The following DPYD variants were observed in gnomAD, a reference collection of about 807,000 sequenced individuals.
DPYD encodes dihydropyrimidine dehydrogenase [NADP(+)].
A neutral mutation model predicts 116.2 loss-of-function variants in DPYD; 109 were observed. The ratio of observed to expected loss-of-function variants is 0.94; its 90% CI spans 0.80 to 1.10. DPYD has a LOEUF of 1.10. Ranked by LOEUF, DPYD falls within the 50% of genes least tolerant of loss-of-function variation. The pLI is 0.00. For missense variants in DPYD, 1,302 were observed against 1,254.5 expected (o/e 1.04, Z -0.57); for synonymous variants, 440 against 432.0 (o/e 1.02, Z -0.23).
intron 3 of DPYD, among the ~76,000 whole-genome samples, chr1:97,771,730 T>C (rs1187738054): frequency 6.6e-6 from 1 of 152,174 alleles, no homozygotes; most frequent in Non-Finnish European, 1.5e-5. Context: ...GTCAATATGA[T>C]AGACAGTACG....
chr1:97,315,584 G>T (rs747835177), intron 16 of DPYD, among the ~76,000 whole-genome samples: 10 of 151,934 alleles, frequency 6.6e-5, no homozygotes, highest in Non-Finnish European at 1.3e-4. Flanking sequence ...CTTGTATGAA[G>T]AATTCTCCCT....
chr1:97,176,868 A>ATGTGTGTGTGTGTGTG (rs10677535), intron 20 of DPYD, among the ~76,000 whole-genome samples: 4,136 of 146,594 alleles, frequency 0.028, 105 homozygotes, highest in African/African-American at 0.056. Flanking sequence ...GGACAAAAAA[A>ATGTGTGTGTGTGTGTG]TGTGTGTGTG....
At chr1:97,725,196 T>C (rs532605730) in intron 4 of DPYD, among the ~76,000 whole-genome samples, 1 of 151,678 alleles carries the variant, frequency 6.6e-6, no homozygotes, top group African/African-American at 2.4e-5. Context: ...GTAATTCCAT[T>C]TACAACAGCA....
intron 4 of DPYD, among the ~76,000 whole-genome samples, chr1:97,723,730 T>C (rs1403430056): frequency 6.6e-6 from 1 of 151,552 alleles, no homozygotes; most frequent in African/African-American, 2.4e-5. Context: ...AAGAGGTTAA[T>C]AATAAATCAT....
intron 1 of DPYD, among the ~76,000 whole-genome samples, chr1:97,889,452 T>A (rs72979797): frequency 6.6e-6 from 1 of 152,024 alleles, no homozygotes; most frequent in East Asian, 1.9e-4. Flanking sequence ...AGCAGCAGCA[T>A]GAAAGCTGCA....
intron 12 of DPYD, among the ~76,000 whole-genome samples, chr1:97,533,413 T>C (rs1336500674): frequency 1.3e-5 from 2 of 152,000 alleles, no homozygotes; most frequent in Non-Finnish European, 2.9e-5. Flanking sequence ...AAATAATAAA[T>C]AACATGTTGA....
intron 8 of DPYD, among the ~76,000 whole-genome samples, chr1:97,655,810 T>A (rs1658870409): frequency 6.6e-6 from 1 of 152,208 alleles, no homozygotes; most frequent in South Asian, 2.1e-4. Context: ...TTAGCTTGTG[T>A]TGTGAGCCAG....
intron 13 of DPYD, among the ~76,000 whole-genome samples, chr1:97,460,302 A>G (rs1676945175): frequency 6.6e-6 from 1 of 152,182 alleles, no homozygotes; most frequent in Non-Finnish European, 1.5e-5. Context: ...CAAAATGATG[A>G]GCTTGAGCTT....
intron 10 of DPYD, among the ~76,000 whole-genome samples, chr1:97,587,241 C>A (rs1320770488): frequency 6.6e-6 from 1 of 152,082 alleles, no homozygotes; most frequent in Non-Finnish European, 1.5e-5. Context: ...ACCAGGGGAG[C>A]CCCTAACTAC....
intron 16 of DPYD, among the ~76,000 whole-genome samples, chr1:97,337,860 G>A (rs567936340): frequency 2.0e-5 from 3 of 152,210 alleles, no homozygotes; most frequent in South Asian, 2.1e-4. Flanking sequence ...GTTATTCCCC[G>A]GCAAGAGGAC....
At chr1:97,713,813 T>C (rs1662436224) in intron 5 of DPYD, among the ~76,000 whole-genome samples, 1 of 152,096 alleles carries the variant, frequency 6.6e-6, no homozygotes, top group African/African-American at 2.4e-5. Context: ...TTAAAGACAT[T>C]CACAAATAAT....
At chr1:97,367,489 T>A (rs1671098640) in intron 16 of DPYD, among the ~76,000 whole-genome samples, 1 of 152,130 alleles carries the variant, frequency 6.6e-6, no homozygotes, top group Non-Finnish European at 1.5e-5. Flanking sequence ...ATGACAAAAC[T>A]AATGTTTGGA....
intron 20 of DPYD, among the ~76,000 whole-genome samples, chr1:97,136,076 G>A (rs11165788): frequency 0.043 from 6,549 of 152,152 alleles, 470 homozygotes; most frequent in African/African-American, 0.15. Context: ...TCAATATAAC[G>A]TTAAGACTGA....
Position 97,234,873 on chromosome 1 carries a change from A to G in DPYD, c.2421T>C (p.His807=), listed in dbSNP as rs55725052. Residue 807 remains histidine (H), a synonymous_variant, in exon 19 of 23, where the codon CAT becomes CAC. Transcript: ENST00000370192. ...CTACCTGGAGGACGGAAGCACCACT[A>G]TGGAGAAACTGAAGACCACTTTCAG... is the stretch of plus-strand genomic sequence containing the variant. ...DSAESGLQFL[H]SGASVLQVCS... 4.0e-5 allele frequency: 65 copies of G among 1,614,008 alleles called. No individual in the cohort carries two copies. In the East Asian group the frequency reaches 1.4e-3, roughly 34 times the overall value.
intron 2 of DPYD, among the ~76,000 whole-genome samples, chr1:97,852,421 C>T (rs1670621439): frequency 6.6e-6 from 1 of 152,062 alleles, no homozygotes; most frequent in African/African-American, 2.4e-5. Context: ...AAGTAACCTC[C>T]TCAACATCAC....
chr1:97,670,608 T>C (rs1468159432), intron 8 of DPYD, among the ~76,000 whole-genome samples: 37 of 152,174 alleles, frequency 2.4e-4, no homozygotes, highest in Admixed American at 2.4e-3. Context: ...TGTTTGTTAT[T>C]GAAGCCACCC....
intron 3 of DPYD, among the ~76,000 whole-genome samples, chr1:97,813,955 C>CA (rs1668455072): frequency 7.1e-6 from 1 of 141,670 alleles, no homozygotes; most frequent in Non-Finnish European, 1.5e-5. Flanking sequence ...CACACACACA[C>CA]CCCTAAAATT....
At chr1:97,252,413 C>T (rs1304802017) in intron 18 of DPYD, among the ~76,000 whole-genome samples, 1 of 152,166 alleles carries the variant, frequency 6.6e-6, no homozygotes, top group Non-Finnish European at 1.5e-5. Flanking sequence ...AAATGTGATG[C>T]ATATATTTTT....
chr1:97,770,895 T>C (rs1485802747), intron 3 of DPYD, among the ~76,000 whole-genome samples: 1 of 152,214 alleles, frequency 6.6e-6, no homozygotes, highest in East Asian at 1.9e-4. Context: ...AATAATATCA[T>C]AAGTATTATA....
Sources: allele counts gnomAD v4.1 joint callset (sites outside exome capture counted in the v4.1 genomes callset), GRCh38; gene constraint gnomAD v4.1.1; transcripts MANE v1.5; gene names NCBI Gene and HGNC (gene_info 2026-07-23, HGNC 2026-07-21).